CNTN3: variants seen among roughly 807,000 people sequenced by gnomAD.
CNTN3 encodes the protein contactin-3.
CNTN3 carries 60 observed loss-of-function variants against 119.1 expected under a neutral mutation model. The observed-to-expected ratio is 0.50, with a 90% CI of 0.41 to 0.62. The LOEUF is 0.62. Among genes scored for constraint, CNTN3 ranks in the 20% least tolerant of loss-of-function variants. The pLI is 0.00. For synonymous variants in CNTN3, 450 were observed against 438.7 expected (o/e 1.03, Z -0.32); for missense variants, 1,101 against 1,242.4 (o/e 0.89, Z 1.71).
chr3:74,547,015 C>T (rs1299915489), intron 1 of CNTN3, among the ~76,000 whole-genome samples: 2 of 152,182 alleles, frequency 1.3e-5, no homozygotes, highest in Non-Finnish European at 2.9e-5. Context: ...ATGCTTCTGT[C>T]TATACACATC....
chr3:74,510,818 A>T (rs1009403544), intron 2 of CNTN3, among the ~76,000 whole-genome samples: 11 of 152,166 alleles, frequency 7.2e-5, no homozygotes, highest in Non-Finnish European at 1.2e-4. Flanking sequence ...TCTTACTTTA[A>T]TCTAAATCTT....
intron 11 of CNTN3, among the ~76,000 whole-genome samples, chr3:74,353,749 C>A (rs1355687132): frequency 6.6e-6 from 1 of 151,762 alleles, no homozygotes; most frequent in Non-Finnish European, 1.5e-5. Flanking sequence ...GAGCGAGACT[C>A]CGTCTCAAAA....
At chr3:74,483,414 T>G (rs1184168496) in intron 4 of CNTN3, among the ~76,000 whole-genome samples, 1 of 152,102 alleles carries the variant, frequency 6.6e-6, no homozygotes, top group Non-Finnish European at 1.5e-5. Context: ...ATCTTCCACG[T>G]GCTCTGGGCT....
rs546490384 is a variant in CNTN3, at chr3:74,613,058, AG to A, written c.-81+1332del. On this transcript the variant is annotated intron_variant, in intron 1 of 22. Coordinates refer to ENST00000263665, the MANE Select transcript of CNTN3 (RefSeq NM_020872.3). ...CAGGTTACTGTTAGTAAACACATCTAGCAAAGCAAAAGTAACACATTTGACT... is the reference window on the plus strand; with the variant it reads ...CAGGTTACTGTTAGTAAACACATCTACAAAGCAAAAGTAACACATTTGACT... Among the ~76,000 whole-genome samples the A allele has an allele frequency of 2.7e-3, 405 of 152,298 alleles. 2 individuals are homozygous for A. Among genetic ancestry groups the A allele is most frequent in the African/African-American group, 9.4e-3 (390 of 41,544 alleles).
At chr3:74,464,412 G>T (rs1325640042) in intron 4 of CNTN3, among the ~76,000 whole-genome samples, 1 of 152,018 alleles carries the variant, frequency 6.6e-6, no homozygotes, top group African/African-American at 2.4e-5. Context: ...ATACTTGATG[G>T]TATATACAGA....
At chr3:74,490,008 A>G (rs929842686) in intron 3 of CNTN3, among the ~76,000 whole-genome samples, 1 of 152,140 alleles carries the variant, frequency 6.6e-6, no homozygotes, top group African/African-American at 2.4e-5. Context: ...CATCAAGCAC[A>G]TGTTGGTTCT....
intron 4 of CNTN3, 139 bp downstream of exon 4, chr3:74,486,317 A>C: frequency 1.3e-6 from 1 of 748,256 alleles, no homozygotes; most frequent in Non-Finnish European, 2.1e-6. Context: ...ATGTCCAAAA[A>C]TCATACTGAA....
intron 4 of CNTN3, among the ~76,000 whole-genome samples, chr3:74,461,378 T>G (rs1241378975): frequency 6.6e-6 from 1 of 152,070 alleles, no homozygotes; most frequent in Non-Finnish European, 1.5e-5. Flanking sequence ...ATAAAATAGG[T>G]TAATTGCATC....
intron 20 of CNTN3, among the ~76,000 whole-genome samples, chr3:74,282,823 A>C (rs1471915693): frequency 3.9e-5 from 6 of 152,174 alleles, no homozygotes; most frequent in African/African-American, 1.4e-4. Context: ...AATTATTAAC[A>C]TAAAATTTAA....
chr3:74,422,076 A>G lies in CNTN3; in HGVS notation c.454+2769T>C, dbSNP rs1449748754. Among the ~76,000 whole-genome samples, 6 of 152,176 alleles carry G rather than the reference A, an allele frequency of 3.9e-5. No homozygotes were observed. In the East Asian group the frequency reaches 1.2e-3, roughly 29 times the overall value. ...CATGAATGTGTTCATTTCTTCAACCAATATTTACTGTTTGTTACAAACCAG... is the reference window on the plus strand; with the variant it reads ...CATGAATGTGTTCATTTCTTCAACCGATATTTACTGTTTGTTACAAACCAG... On this transcript the variant is annotated intron_variant, in intron 5 of 22. Coordinates refer to ENST00000263665, the MANE Select transcript of CNTN3 (RefSeq NM_020872.3).
At chr3:74,283,655 G>C (rs1304005099) in intron 20 of CNTN3, among the ~76,000 whole-genome samples, 1 of 152,060 alleles carries the variant, frequency 6.6e-6, no homozygotes, top group Non-Finnish European at 1.5e-5. Context: ...AGAGAAAAGA[G>C]CCAGACAAAT....
chr3:74,365,516 G>A (rs755620424), intron 9 of CNTN3, 50 bp downstream of exon 9: 6 of 1,608,518 alleles, frequency 3.7e-6, no homozygotes, highest in South Asian at 1.1e-5. Context: ...AGTGAGGAAA[G>A]GGTGGATTTA....
At chr3:74,442,420 T>C (rs930192733) in intron 4 of CNTN3, among the ~76,000 whole-genome samples, 1 of 152,248 alleles carries the variant, frequency 6.6e-6, no homozygotes, top group South Asian at 2.1e-4. Flanking sequence ...ATTCACACTT[T>C]AAAAATTCTG....
At chr3:74,280,294 G>A (rs1701977041) in intron 20 of CNTN3, among the ~76,000 whole-genome samples, 1 of 152,200 alleles carries the variant, frequency 6.6e-6, no homozygotes, top group Non-Finnish European at 1.5e-5. Flanking sequence ...AAATGCAAAA[G>A]TGATTGTATC....
At chr3:74,446,335 G>A (rs954622237) in intron 4 of CNTN3, among the ~76,000 whole-genome samples, 1 of 152,180 alleles carries the variant, frequency 6.6e-6, no homozygotes, top group Non-Finnish European at 1.5e-5. Flanking sequence ...AAAAAGAGAT[G>A]CATTTAGATA....
In CNTN3 at chr3:74,453,900, T is replaced by C. The variant is rs145213542; in HGVS notation, c.359-28960A>G. ...GAGAGAGAGTTTAATTTCTATTCTT[T>C]TACATTTGCTGAGGAGAGCTTTACT... On this transcript the variant is annotated intron_variant, in intron 4 of 22. Transcript: ENST00000263665. Among the ~76,000 whole-genome samples the C allele has an allele frequency of 6.8e-3, 1,032 of 152,326 alleles. 16 individuals are homozygous for C. Among genetic ancestry groups the C allele is most frequent in the African/African-American group, 0.024 (988 of 41,574 alleles).
intron 20 of CNTN3, among the ~76,000 whole-genome samples, chr3:74,283,676 A>G (rs923728683): frequency 6.6e-6 from 1 of 152,192 alleles, no homozygotes; most frequent in Admixed American, 6.5e-5. Context: ...TTGTTTGCAT[A>G]TATTTTTGCA....
At chr3:74,394,319 G>C (rs544705767) in intron 5 of CNTN3, among the ~76,000 whole-genome samples, 1 of 152,242 alleles carries the variant, frequency 6.6e-6, no homozygotes, top group African/African-American at 2.4e-5. Flanking sequence ...CTCTCTAGAT[G>C]TTAATTAACC....
intron 4 of CNTN3, among the ~76,000 whole-genome samples, chr3:74,462,372 C>T (rs1702386042): frequency 6.6e-6 from 1 of 152,098 alleles, no homozygotes; most frequent in South Asian, 2.1e-4. Context: ...AATCTACTCT[C>T]CTTTGTGCAA....
Sources: allele counts gnomAD v4.1 joint callset (sites outside exome capture counted in the v4.1 genomes callset), GRCh38; gene constraint gnomAD v4.1.1; transcripts MANE v1.5; gene names NCBI Gene and HGNC (gene_info 2026-07-23, HGNC 2026-07-21).